Variants in ADGRV1 observed in about 807,000 individuals in gnomAD.
The protein encoded by ADGRV1 is G-protein coupled receptor 98.
In ADGRV1, 359 loss-of-function variants were observed where a neutral mutation model predicts 596.2. The observed-to-expected ratio is 0.60, with a 90% CI of 0.55 to 0.66. The LOEUF (loss-of-function observed/expected upper bound fraction) is 0.66, where lower values mean the gene tolerates loss of function less well. ADGRV1 is among the 30% of genes least tolerant of loss of function. The pLI, the probability that ADGRV1 is intolerant of heterozygous loss-of-function variation, is 0.00. For synonymous variants in ADGRV1, 2,681 were observed against 2,679.2 expected (o/e 1.00, Z -0.02); for missense variants, 7,274 against 7,575.6 (o/e 0.96, Z 1.48).
chr5:90,619,329 G>A (rs1368731123), intron 4 of ADGRV1, 148 bp downstream of exon 4: 1 of 439,702 alleles, frequency 2.3e-6, no homozygotes, highest in Non-Finnish European at 4.0e-6. Context: ...TTCACATTCT[G>A]TAGACCATTC....
At chr5:90,987,469 CAAAAAAA>C (rs11442398) in intron 85 of ADGRV1, among the ~76,000 whole-genome samples, 3 of 94,976 alleles carry the variant, frequency 3.2e-5, no homozygotes, top group Non-Finnish European at 4.3e-5. Context: ...GACTCTGACT[CAAAAAAA>C]AAAAAAAAAA....
At chr5:90,618,741 G>T (rs1763680244) in intron 3 of ADGRV1, among the ~76,000 whole-genome samples, 1 of 151,910 alleles carries the variant, frequency 6.6e-6, no homozygotes, top group Non-Finnish European at 1.5e-5. Context: ...ACATTGAATA[G>T]AATTTTGTAC....
intron 50 of ADGRV1, among the ~76,000 whole-genome samples, chr5:90,735,131 C>T (rs529184660): frequency 4.0e-4 from 61 of 152,256 alleles, no homozygotes; most frequent in African/African-American, 1.4e-3. Context: ...GGATATTCCC[C>T]GTTTTCACTG....
At position 90,756,438 on chromosome 5, in the gene ADGRV1, T is replaced by G; in HGVS notation, c.11581-16T>G. On this transcript the variant is annotated splice_polypyrimidine_tract_variant and intron_variant, in intron 55 of 89. Transcript: ENST00000405460. ...TAAAAAAAAATGAAACACCATCTTTTTCCCCCATCCCCCAGGATGACCTTC... is the reference window on the plus strand; with the variant it reads ...TAAAAAAAAATGAAACACCATCTTTGTCCCCCATCCCCCAGGATGACCTTC... The G allele has an allele frequency of 6.9e-7, 1 of 1,453,266 alleles. No individual in the cohort carries two copies. The highest frequency in any genetic ancestry group is 9.1e-7 in the Non-Finnish European group (1 of 1,095,382). The allele number at this position is 1,453,266 out of a possible 1,614,324, so 90.0% of individuals were successfully genotyped here. A position where few individuals can be genotyped will look rare whatever the true frequency, so the allele number is the denominator to read the frequency against.
At chr5:91,047,704 C>G (rs1362444019) in intron 85 of ADGRV1, among the ~76,000 whole-genome samples, 1 of 152,158 alleles carries the variant, frequency 6.6e-6, no homozygotes, top group Non-Finnish European at 1.5e-5. Flanking sequence ...CAAGTTGACA[C>G]TCAGTATTAA....
intron 59 of ADGRV1, among the ~76,000 whole-genome samples, chr5:90,764,696 G>A (rs1309982558): frequency 6.6e-6 from 1 of 152,128 alleles, no homozygotes; most frequent in Non-Finnish European, 1.5e-5. Flanking sequence ...GGACCCACCT[G>A]TCCCCCATGC....
intron 43 of ADGRV1, chr5:90,717,990 G>A (rs1346632965): frequency 6.6e-6 from 1 of 152,126 alleles, no homozygotes; most frequent in Non-Finnish European, 1.5e-5. Flanking sequence ...GGAAAAATAC[G>A]TGTAATATAA....
chr5:90,817,490 T>C (rs13180552), intron 75 of ADGRV1, among the ~76,000 whole-genome samples: 61,757 of 150,112 alleles, frequency 0.41, 14,808 homozygotes, highest in Admixed American at 0.59. Context: ...TCCTTGCCCA[T>C]GCCTGTGTCC....
At chr5:90,640,379 T>G (rs986972303) in intron 11 of ADGRV1, among the ~76,000 whole-genome samples, 2 of 152,244 alleles carry the variant, frequency 1.3e-5, no homozygotes, top group African/African-American at 4.8e-5. Context: ...GTTTTGTTTT[T>G]TCTAACTCAA....
chr5:90,817,632 G>A (rs1235048608), intron 75 of ADGRV1, among the ~76,000 whole-genome samples: 1 of 152,038 alleles, frequency 6.6e-6, no homozygotes, highest in East Asian at 1.9e-4. Context: ...TTCTACATAT[G>A]GCTAGCCAGT....
rs750770983 is a variant in ADGRV1 at position 90,863,774 on chromosome 5, C to G, written c.17773C>G (p.Leu5925Val). 15 of 1,613,088 alleles carry G rather than the reference C, an allele frequency of 9.3e-6. No individual in the cohort carries two copies. Among genetic ancestry groups the G allele is most frequent in the Non-Finnish European group, 1.3e-5 (15 of 1,179,310 alleles). ...ICISGLCLAV[L>V]SHIFCARYSM... ...TCCTACAGGTCTTTGCTTGGCTGTT[C>G]TTTCCCATATCTTCTGTGCCAGGTA... The change falls in exon 83 of 90, where the codon CTT becomes GTT. Residue 5925 changes from leucine (L) to valine (V), a missense_variant. By Grantham distance (32) the Leu-to-Val change is conservative (BLOSUM62 1). Coordinates refer to ENST00000405460, the MANE Select transcript of ADGRV1 (RefSeq NM_032119.4).
At chr5:90,666,184 T>C (rs1160333898) in intron 21 of ADGRV1, among the ~76,000 whole-genome samples, 2 of 151,076 alleles carry the variant, frequency 1.3e-5, no homozygotes, top group African/African-American at 2.4e-5. Flanking sequence ...ACTTTCTGTC[T>C]CGTTGATCTG....
chr5:90,629,523 C>T lies in ADGRV1; in HGVS notation c.1823C>T (p.Ala608Val), dbSNP rs776614986. The part of the protein sequence containing the change: ...IRNDAFLQNG[A>V]HFLVQLETVE... The stretch of plus-strand genomic sequence containing the variant: ...AATGATGCATTCCTTCAAAATGGAG[C>T]TCACTTTCTAGTACAGGTACTTGTA... Residue 608 changes from alanine (A) to valine (V), a missense_variant, in exon 9 of 90, where the codon GCT becomes GTT. Physicochemically the swap from Ala to Val is moderately conservative, Grantham distance 64. Around this residue, in one of 5 missense-constraint regions of ADGRV1, gnomAD observed 1,715 missense variants for 1,708.8 expected, o/e 1.00. Coordinates refer to ENST00000405460, the MANE Select transcript of ADGRV1 (RefSeq NM_032119.4). 1.2e-6 allele frequency: 2 copies of T among 1,610,068 alleles called. No individual in the cohort carries two copies. Among genetic ancestry groups the T allele is most frequent in the Non-Finnish European group, 1.7e-6 (2 of 1,177,940 alleles).
At chr5:90,566,465 G>A (rs1269479918) in intron 1 of ADGRV1, among the ~76,000 whole-genome samples, 1 of 151,932 alleles carries the variant, frequency 6.6e-6, no homozygotes, top group Non-Finnish European at 1.5e-5. Flanking sequence ...GACTATAAAT[G>A]TATGGTTTTA....
At chr5:90,766,149 T>C (rs1757116821) in intron 59 of ADGRV1, among the ~76,000 whole-genome samples, 1 of 152,102 alleles carries the variant, frequency 6.6e-6, no homozygotes, top group Non-Finnish European at 1.5e-5. Context: ...GACCTCATGA[T>C]CCGCCCGCCT....
At chr5:90,778,320 TGAG>T (rs1009282706) in intron 62 of ADGRV1, 104 bp from the exon 63 acceptor site, 1 of 971,504 alleles carries the variant, frequency 1.0e-6, no homozygotes, top group African/African-American at 1.6e-5. Context: ...AGAGTGGGAA[TGAG>T]GAGGAGATTA....
At chr5:90,952,882 C>G (rs1561991655) in intron 83 of ADGRV1, among the ~76,000 whole-genome samples, 1 of 151,914 alleles carries the variant, frequency 6.6e-6, no homozygotes, top group African/African-American at 2.4e-5. Context: ...TTAAGATAAC[C>G]ACTTGAATTT....
At chr5:91,086,171 A>C (rs1342953190) in intron 86 of ADGRV1, among the ~76,000 whole-genome samples, 1 of 152,126 alleles carries the variant, frequency 6.6e-6, no homozygotes, top group Non-Finnish European at 1.5e-5. Flanking sequence ...AAGTATATGT[A>C]TTTTCCAGGG....
intron 87 of ADGRV1, among the ~76,000 whole-genome samples, chr5:91,109,855 C>A (rs1792213415): frequency 6.6e-6 from 1 of 152,220 alleles, no homozygotes; most frequent in South Asian, 2.1e-4. Flanking sequence ...CTCTGACCAA[C>A]AGAAGGGGGC....
Sources: allele counts gnomAD v4.1 joint callset (sites outside exome capture counted in the v4.1 genomes callset), GRCh38; gene constraint gnomAD v4.1.1; regional missense constraint gnomAD v4.1.1; transcripts MANE v1.5; gene names NCBI Gene and HGNC (gene_info 2026-07-23, HGNC 2026-07-21).